Variants in JARID2 observed in about 807,000 individuals in gnomAD.
JARID2 encodes jumonji and AT-rich interaction domain containing 2.
Under a neutral mutation model 125.6 loss-of-function variants are expected in JARID2, and 21 were observed. The ratio of observed to expected loss-of-function variants is 0.17; its 90% CI spans 0.12 to 0.24. The LOEUF (loss-of-function observed/expected upper bound fraction) is 0.24, where lower values mean the gene tolerates loss of function less well. Ranked by LOEUF, JARID2 falls within the 10% of genes least tolerant of loss-of-function variation. The probability of loss-of-function intolerance (pLI) is 1.00; values close to 1 mark genes in which losing one functional copy is unlikely to be tolerated. For missense variants in JARID2, 1,303 were observed against 1,639.6 expected (o/e 0.79, Z 3.55); for synonymous variants, 736 against 661.6 (o/e 1.11, Z -1.73).
At chr6:15,458,029 T>C (rs1472683141) in intron 4 of JARID2, among the ~76,000 whole-genome samples, 7 of 152,194 alleles carry the variant, frequency 4.6e-5, no homozygotes, top group South Asian at 2.1e-4. Context: ...ATAGCTGCTT[T>C]GAAGGGGTCC....
In JARID2 at chr6:15,520,589, G is replaced by C; in HGVS notation, c.*338G>C. On this transcript the variant is annotated 3_prime_UTR_variant, in exon 18 of 18. Transcript: ENST00000341776. Reference sequence around the variant, plus strand: ...TTTTGTAACTGTTGGGGGGAAAAAGGCTTTTTAACCCATTTTTGAAGAGGG... The same window carrying C: ...TTTTGTAACTGTTGGGGGGAAAAAGCCTTTTTAACCCATTTTTGAAGAGGG... 1 of 284,988 alleles carries C rather than the reference G, an allele frequency of 3.5e-6. No homozygotes were observed. Among genetic ancestry groups the C allele is most frequent in the Non-Finnish European group, 6.9e-6 (1 of 144,086 alleles). 17.7% of individuals were successfully genotyped at this position (284,988 alleles called of 1,614,324 possible). A position where few individuals can be genotyped will look rare whatever the true frequency, so the allele number is the denominator to read the frequency against.
At chr6:15,261,311 CTTTTTT>C (rs70996526) in intron 1 of JARID2, among the ~76,000 whole-genome samples, 1 of 125,826 alleles carries the variant, frequency 7.9e-6, no homozygotes, top group African/African-American at 3.2e-5. Context: ...TCTTCTTCTT[CTTTTTT>C]TTTTTTTTTT....
chr6:15,409,039 CTG>C (rs984593620), intron 2 of JARID2, among the ~76,000 whole-genome samples: 8 of 152,112 alleles, frequency 5.3e-5, no homozygotes, highest in Non-Finnish European at 8.8e-5. Context: ...AAATAGGTAA[CTG>C]GGGAAATGCA....
At position 15,495,461 on chromosome 6, in the gene JARID2, G is replaced by C. The variant is rs550717894; in HGVS notation, c.907-671G>C. Among the ~76,000 whole-genome samples the C allele has an allele frequency of 2.6e-5, 4 of 152,314 alleles. No individual in the cohort carries two copies. In the South Asian group the frequency reaches 6.2e-4, roughly 24 times the overall value. On this transcript the variant is annotated intron_variant, in intron 6 of 17. Transcript: ENST00000341776. ...TCCCTCTTCCATCCAGCCTGGCCCT[G>C]TCCAGGGCTCGTCTCCACAAGGAAA...
intron 1 of JARID2, chr6:15,248,836 G>GC: frequency 6.7e-6 from 6 of 891,376 alleles, no homozygotes; most frequent in Non-Finnish European, 8.1e-6. Context: ...CGGCGGGGCG[G>GC]CGGGGGGAGG....
chr6:15,354,568 G>A (rs1763534817), intron 1 of JARID2, among the ~76,000 whole-genome samples: 1 of 152,136 alleles, frequency 6.6e-6, no homozygotes, highest in Non-Finnish European at 1.5e-5. Flanking sequence ...AAAACTTTCA[G>A]TGTATTATAT....
intron 2 of JARID2, among the ~76,000 whole-genome samples, chr6:15,401,675 C>T (rs1765441038): frequency 6.6e-6 from 1 of 152,136 alleles, no homozygotes; most frequent in East Asian, 1.9e-4. Context: ...GCTCTTGATT[C>T]TTCTCCCGAA....
At chr6:15,518,404 A>G (rs1771668769) in intron 17 of JARID2, among the ~76,000 whole-genome samples, 1 of 152,184 alleles carries the variant, frequency 6.6e-6, no homozygotes, top group Non-Finnish European at 1.5e-5. Flanking sequence ...ATTAGGAGCA[A>G]AGGTATTTGG....
chr6:15,394,347 C>G (rs987878621), intron 2 of JARID2, among the ~76,000 whole-genome samples: 8 of 152,166 alleles, frequency 5.3e-5, no homozygotes, highest in Non-Finnish European at 1.0e-4. Context: ...TGCAGTGGCT[C>G]ATGCTCATAA....
intron 3 of JARID2, among the ~76,000 whole-genome samples, chr6:15,433,819 A>G (rs899862535): frequency 6.6e-6 from 1 of 152,098 alleles, no homozygotes; most frequent in Non-Finnish European, 1.5e-5. Context: ...ATTAGCATTA[A>G]TGGATGATAC....
chr6:15,335,185 C>T (rs111997666), intron 1 of JARID2, among the ~76,000 whole-genome samples: 6,230 of 152,168 alleles, frequency 0.041, 196 homozygotes, highest in African/African-American at 0.087. Flanking sequence ...CTGCAACCTC[C>T]GTCTCGTGGC....
chr6:15,499,961 G>T (rs571804089), intron 7 of JARID2, among the ~76,000 whole-genome samples: 1 of 152,172 alleles, frequency 6.6e-6, no homozygotes, highest in African/African-American at 2.4e-5. Context: ...GACTGGATCC[G>T]TGCACACTTT....
intron 1 of JARID2, among the ~76,000 whole-genome samples, chr6:15,261,300 T>A (rs1759863162): frequency 7.8e-6 from 1 of 127,504 alleles, no homozygotes; most frequent in Non-Finnish European, 1.6e-5. Flanking sequence ...ATGGTGTTTT[T>A]TCTTCTTCTT....
At chr6:15,428,866 A>G (rs1255417369) in intron 3 of JARID2, among the ~76,000 whole-genome samples, 1 of 148,810 alleles carries the variant, frequency 6.7e-6, no homozygotes, top group East Asian at 2.0e-4. Flanking sequence ...AGATAGCACC[A>G]CTGCACTCCA....
intron 2 of JARID2, among the ~76,000 whole-genome samples, chr6:15,403,597 G>C (rs1350186966): frequency 1.3e-5 from 2 of 152,148 alleles, no homozygotes; most frequent in Non-Finnish European, 2.9e-5. Flanking sequence ...AAAAAGGATA[G>C]AGTCAGACAT....
chr6:15,518,675 T>C (rs1392735935), intron 17 of JARID2, among the ~76,000 whole-genome samples: 1 of 152,094 alleles, frequency 6.6e-6, no homozygotes, highest in African/African-American at 2.4e-5. Flanking sequence ...AGAGACAGGG[T>C]TTTACCATGT....
intron 1 of JARID2, among the ~76,000 whole-genome samples, chr6:15,352,389 T>C (rs1173946628): frequency 2.0e-5 from 3 of 152,118 alleles, no homozygotes; most frequent in Non-Finnish European, 2.9e-5. Flanking sequence ...TGCATTGTCA[T>C]TGGAGAGGAA....
intron 1 of JARID2, among the ~76,000 whole-genome samples, chr6:15,366,942 A>C (rs751684676): frequency 1.3e-4 from 20 of 151,232 alleles, no homozygotes; most frequent in Non-Finnish European, 2.5e-4. Flanking sequence ...TAGTGGCTTT[A>C]TTTCTTTTTG....
At chr6:15,382,952 A>G (rs1764647644) in intron 2 of JARID2, among the ~76,000 whole-genome samples, 1 of 152,164 alleles carries the variant, frequency 6.6e-6, no homozygotes, top group Non-Finnish European at 1.5e-5. Context: ...GGAGGGACAC[A>G]GCACTCAGGT....
Sources: allele counts gnomAD v4.1 joint callset (sites outside exome capture counted in the v4.1 genomes callset), GRCh38; gene constraint gnomAD v4.1.1; transcripts MANE v1.5; gene names NCBI Gene and HGNC (gene_info 2026-07-23, HGNC 2026-07-21).